The following CRPPA variants were observed in gnomAD, a reference collection of about 807,000 sequenced individuals.
The protein encoded by CRPPA is CDP-L-ribitol pyrophosphorylase A.
CRPPA carries 43 observed loss-of-function variants against 52.0 expected under a neutral mutation model. The observed-to-expected ratio is 0.83, with a 90% CI of 0.65 to 1.07. The LOEUF (loss-of-function observed/expected upper bound fraction) is 1.07. Ranked by LOEUF, CRPPA falls within the 50% of genes least tolerant of loss-of-function variation. CRPPA has a pLI of 0.00. For synonymous variants in CRPPA, 250 were observed against 203.5 expected (o/e 1.23, Z -1.94); for missense variants, 629 against 551.7 (o/e 1.14, Z -1.40).
At chr7:16,370,025 A>T (rs1000574975) in intron 3 of CRPPA, among the ~76,000 whole-genome samples, 1 of 152,190 alleles carries the variant, frequency 6.6e-6, no homozygotes, top group African/African-American at 2.4e-5. Context: ...TGAAATATAA[A>T]AGTGGAAGCA....
At chr7:16,338,131 A>G (rs1464014299) in intron 3 of CRPPA, among the ~76,000 whole-genome samples, 1 of 152,222 alleles carries the variant, frequency 6.6e-6, no homozygotes, top group Non-Finnish European at 1.5e-5. Context: ...TGACAGTAAG[A>G]GGAGCAAAGA....
intron 8 of CRPPA, among the ~76,000 whole-genome samples, chr7:16,246,468 G>A (rs1288037176): frequency 6.6e-6 from 1 of 152,082 alleles, no homozygotes; most frequent in Non-Finnish European, 1.5e-5. Context: ...CAACTAACAG[G>A]GTGAATCCTT....
In CRPPA at chr7:16,140,767, C is replaced by T. The variant is rs188671971; in HGVS notation, c.1252-48968G>A. Among the ~76,000 whole-genome samples, 723 of 152,218 alleles carry T rather than the reference C, an allele frequency of 4.7e-3. 1 individual carries two copies. Among genetic ancestry groups the T allele is most frequent in the Middle Eastern group, 0.034 (10 of 294 alleles). On this transcript the variant is annotated intron_variant, in intron 9 of 9. Coordinates refer to ENST00000407010, the MANE Select transcript of CRPPA (RefSeq NM_001101426.4). ...TCTCCTGTATATCTTTTCCAGTAGT[C>T]CAGAATGATATTTATAAATTTCTGC... is the stretch of plus-strand genomic sequence containing the variant.
chr7:16,403,018 A>G (rs1173777887), intron 2 of CRPPA, among the ~76,000 whole-genome samples: 6 of 152,240 alleles, frequency 3.9e-5, no homozygotes, highest in African/African-American at 1.4e-4. Flanking sequence ...AAATTATCTA[A>G]GCATTCAGAG....
intron 9 of CRPPA, among the ~76,000 whole-genome samples, chr7:16,164,779 C>A (rs1366505589): frequency 2.0e-5 from 3 of 152,182 alleles, no homozygotes; most frequent in Non-Finnish European, 4.4e-5. Flanking sequence ...TGCAGGTCTG[C>A]TGGAGCTTGC....
chr7:16,130,634 T>A (rs1221234791), intron 9 of CRPPA, among the ~76,000 whole-genome samples: 3 of 152,260 alleles, frequency 2.0e-5, no homozygotes, highest in Non-Finnish European at 2.9e-5. Flanking sequence ...TTTCCTTTTG[T>A]ACACTAAGTA....
intron 9 of CRPPA, among the ~76,000 whole-genome samples, chr7:16,180,286 C>T (rs1289801105): frequency 6.6e-6 from 1 of 151,994 alleles, no homozygotes; most frequent in East Asian, 1.9e-4. Flanking sequence ...TGCTAATATA[C>T]AGATAGGGCC....
At chr7:16,107,501 A>G (rs947941895) in intron 9 of CRPPA, among the ~76,000 whole-genome samples, 1 of 152,172 alleles carries the variant, frequency 6.6e-6, no homozygotes, top group African/African-American at 2.4e-5. Context: ...GACAAACAAC[A>G]AAGAATACTT....
intron 8 of CRPPA, among the ~76,000 whole-genome samples, chr7:16,222,391 A>C (rs1055220388): frequency 1.3e-5 from 2 of 150,654 alleles, no homozygotes; most frequent in African/African-American, 2.4e-5. Flanking sequence ...ACATGTATAC[A>C]TATGTAACTA....
chr7:16,262,388 G>A (rs1046724121), intron 6 of CRPPA, among the ~76,000 whole-genome samples: 4 of 151,984 alleles, frequency 2.6e-5, no homozygotes, highest in East Asian at 1.9e-4. Context: ...CTTTAATAGC[G>A]CTGCTTTCAT....
chr7:16,117,765 C>T (rs919078036), intron 9 of CRPPA, among the ~76,000 whole-genome samples: 7 of 152,228 alleles, frequency 4.6e-5, no homozygotes, highest in Admixed American at 6.5e-5. Context: ...AAAGGCCTCA[C>T]GTGTTTGACC....
At chr7:16,314,759 G>A (rs1785107598) in intron 3 of CRPPA, among the ~76,000 whole-genome samples, 1 of 152,100 alleles carries the variant, frequency 6.6e-6, no homozygotes, top group Admixed American at 6.6e-5. Context: ...GGCTACTGAA[G>A]AGAAGTGAGA....
chr7:16,197,171 C>T (rs1009571873), intron 9 of CRPPA, among the ~76,000 whole-genome samples: 15 of 152,190 alleles, frequency 9.9e-5, no homozygotes, highest in Admixed American at 3.3e-4. Context: ...CCAAGCCACA[C>T]ACCTGGGAAT....
chr7:16,126,341 T>C (rs1782581032), intron 9 of CRPPA, among the ~76,000 whole-genome samples: 1 of 152,118 alleles, frequency 6.6e-6, no homozygotes, highest in Admixed American at 6.6e-5. Context: ...GAAAAAGGAT[T>C]CCCATATAAA....
intron 9 of CRPPA, among the ~76,000 whole-genome samples, chr7:16,210,883 T>C (rs1782116955): frequency 6.6e-6 from 1 of 151,550 alleles, no homozygotes; most frequent in African/African-American, 2.4e-5. Flanking sequence ...AAACATACTG[T>C]CAGATAGAAA....
chr7:16,262,123 C>A (rs1220827385), intron 6 of CRPPA: 1 of 152,072 alleles, frequency 6.6e-6, no homozygotes, highest in Non-Finnish European at 1.5e-5. Flanking sequence ...ATTGTTATTT[C>A]TCAACTTTTC....
In CRPPA at chr7:16,342,798, T is replaced by TATAGATAGATATATAGATATA. The variant is rs1491461185; in HGVS notation, c.684+33293_684+33294insTATATCTATATATCTATCTAT. Among the ~76,000 whole-genome samples the TATAGATAGATATATAGATATA allele has an allele frequency of 6.2e-4, 63 of 101,228 alleles. 3 individuals carry two copies. The highest frequency in any genetic ancestry group is 2.4e-3 in the African/African-American group (58 of 24,580). The allele number at this position is 101,228 out of a possible 152,430, so 66.4% of individuals were successfully genotyped here. ...AAAAAAAAAAATATATATATATATA[T>TATAGATAGATATATAGATATA]CTATATAGATATATAGATATACATA... is the stretch of plus-strand genomic sequence containing the variant. On this transcript the variant is annotated intron_variant, in intron 3 of 9. Coordinates refer to ENST00000407010, the MANE Select transcript of CRPPA (RefSeq NM_001101426.4).
chr7:16,293,345 T>TA (rs1407680341), intron 5 of CRPPA, among the ~76,000 whole-genome samples: 2 of 51,234 alleles, frequency 3.9e-5, no homozygotes, highest in Non-Finnish European at 7.0e-5. Context: ...TTTCAAGTTG[T>TA]AACCATTCAA....
chr7:16,181,025 A>C (rs1193800722), intron 9 of CRPPA, among the ~76,000 whole-genome samples: 3 of 151,954 alleles, frequency 2.0e-5, no homozygotes, highest in African/African-American at 7.2e-5. Flanking sequence ...CTGTAATTTT[A>C]GGTACAATGT....
Sources: gnomAD v4.1 joint callset for allele counts (sites outside exome capture counted in the v4.1 genomes callset) on GRCh38, gnomAD v4.1.1 for gene constraint, MANE v1.5 for transcripts, NCBI Gene and HGNC (gene_info 2026-07-23, HGNC 2026-07-21) for gene names.